Variants in LGR6 observed in about 807,000 individuals in gnomAD.
LGR6 encodes leucine-rich repeat-containing G protein-coupled receptor 6.
Under a neutral mutation model 69.4 loss-of-function variants are expected in LGR6, and 45 were observed. That is an observed-to-expected ratio of 0.65 (90% confidence interval 0.51 to 0.83). The LOEUF is 0.83. Among genes scored for constraint, LGR6 ranks in the 40% least tolerant of loss-of-function variants. The pLI is 0.00. For missense variants in LGR6, 1,108 were observed against 1,246.7 expected (o/e 0.89, Z 1.68); for synonymous variants, 538 against 555.0 (o/e 0.97, Z 0.43).
chr1:202,194,710 GGGGC>G, intron 1 of LGR6: 1 of 271,654 alleles, frequency 3.7e-6, no homozygotes, highest in Non-Finnish European at 7.4e-6. Flanking sequence ...GGGGGCGGGG[GGGGC>G]GGGTTTCCTA....
chr1:202,249,366 T>A (rs1423711289), intron 4 of LGR6, among the ~76,000 whole-genome samples: 4 of 152,168 alleles, frequency 2.6e-5, no homozygotes, highest in Non-Finnish European at 5.9e-5. Flanking sequence ...AAGCTCCTCT[T>A]CCCCTGCCCA....
At chr1:202,198,648 G>A (rs1402567819) in intron 1 of LGR6, among the ~76,000 whole-genome samples, 3 of 150,920 alleles carry the variant, frequency 2.0e-5, no homozygotes, top group African/African-American at 7.4e-5. Context: ...GAGTTCTACT[G>A]GGAACCAGAG....
chr1:202,293,267 C>T (rs893547028), intron 6 of LGR6, among the ~76,000 whole-genome samples: 3 of 152,202 alleles, frequency 2.0e-5, no homozygotes, highest in African/African-American at 7.2e-5. Context: ...TTTCCAAACA[C>T]GACTCCACAG....
intron 6 of LGR6, among the ~76,000 whole-genome samples, chr1:202,284,316 G>A (rs1017022624): frequency 1.3e-5 from 2 of 152,162 alleles, no homozygotes; most frequent in African/African-American, 4.8e-5. Context: ...CTTCCACAAT[G>A]AGGATGACCC....
At chr1:202,271,821 A>G (rs2361452) in intron 4 of LGR6, among the ~76,000 whole-genome samples, 19 of 120,648 alleles carry the variant, frequency 1.6e-4, no homozygotes, top group Non-Finnish European at 3.3e-4. Context: ...AAAAAAAAAA[A>G]AAAAAAAAGA....
chr1:202,272,432 T>A (rs1156585992), intron 4 of LGR6, among the ~76,000 whole-genome samples: 3 of 152,178 alleles, frequency 2.0e-5, no homozygotes, highest in Non-Finnish European at 4.4e-5. Context: ...TCCTTTGGTG[T>A]GTCCCAGTTC....
chr1:202,265,868 C>G (rs963135602), intron 4 of LGR6, among the ~76,000 whole-genome samples: 3 of 152,158 alleles, frequency 2.0e-5, no homozygotes, highest in African/African-American at 7.2e-5. Flanking sequence ...TAGCCCGCGT[C>G]TTCAGGGGTC....
intron 7 of LGR6, among the ~76,000 whole-genome samples, chr1:202,298,175 G>T (rs896660148): frequency 6.6e-6 from 1 of 152,316 alleles, no homozygotes; most frequent in East Asian, 1.9e-4. Context: ...GGACAAAATG[G>T]TATATAACTC....
intron 6 of LGR6, among the ~76,000 whole-genome samples, chr1:202,291,231 C>A (rs192587696): frequency 6.6e-6 from 1 of 152,194 alleles, no homozygotes; most frequent in Non-Finnish European, 1.5e-5. Flanking sequence ...AGTCCTTCCC[C>A]CTCTGCTTCT....
At position 202,276,482 on chromosome 1, in the gene LGR6, C is replaced by G; in HGVS notation, c.605C>G (p.Pro202Arg). 6.2e-7 allele frequency: 1 copy of G among 1,614,168 alleles called. No individual in the cohort carries two copies. The highest frequency in any genetic ancestry group is 8.5e-7 in the Non-Finnish European group (1 of 1,180,036). Residue 202 changes from proline to arginine, a missense_variant, in exon 5 of 18, where the codon CCC becomes CGC. Pro to Arg is a moderately radical substitution (Grantham distance 103, BLOSUM62 -2). Coordinates refer to ENST00000367278, the MANE Select transcript of LGR6 (RefSeq NM_001017403.2). ...GCCCTCAACCGCATCAGCCACATCC[C>G]CGACTACGCGTTCCAGAATCTCACC... ...TLALNRISHIPDYAFQNLTSL... is the reference protein window; with the variant it reads ...TLALNRISHIRDYAFQNLTSL...
chr1:202,307,072 C>T (rs1049550191), intron 13 of LGR6, 133 bp downstream of exon 13: 21 of 795,690 alleles, frequency 2.6e-5, no homozygotes, highest in Non-Finnish European at 4.0e-5. Flanking sequence ...TCCACAGCCC[C>T]CACCCCCAGC....
intron 1 of LGR6, chr1:202,197,362 T>C: frequency 1.9e-6 from 1 of 530,250 alleles, no homozygotes; most frequent in East Asian, 5.4e-5. Context: ...CCAGCCCTGT[T>C]TGATCAAGGT....
intron 13 of LGR6, 125 bp from the exon 14 acceptor site, chr1:202,307,205 A>C: frequency 1.1e-6 from 1 of 950,572 alleles, no homozygotes. Context: ...TACCTTCCCC[A>C]AAAGGCAAAG....
At chr1:202,316,908 T>C (rs1191418187) in intron 17 of LGR6, among the ~76,000 whole-genome samples, 1 of 152,060 alleles carries the variant, frequency 6.6e-6, no homozygotes, top group African/African-American at 2.4e-5. Context: ...AACACCAGGA[T>C]CTCACGCATC....
At chr1:202,288,017 A>C (rs1403240084) in intron 6 of LGR6, among the ~76,000 whole-genome samples, 1 of 151,304 alleles carries the variant, frequency 6.6e-6, no homozygotes, top group East Asian at 1.9e-4. Context: ...AAAAAAAGCC[A>C]ACATTCTGTA....
chr1:202,317,312 T>G (rs748568119), intron 17 of LGR6, among the ~76,000 whole-genome samples: 3 of 151,534 alleles, frequency 2.0e-5, no homozygotes, highest in Admixed American at 6.6e-5. Flanking sequence ...TGTACTGTAT[T>G]AATTTGTACC....
chr1:202,309,307 G>T, intron 15 of LGR6, 131 bp downstream of exon 15: 2 of 1,089,314 alleles, frequency 1.8e-6, no homozygotes, highest in Non-Finnish European at 2.6e-6. Context: ...TAGTGGAAGG[G>T]CTCACCTGAC....
chr1:202,292,151 A>G (rs1666840187), intron 6 of LGR6, among the ~76,000 whole-genome samples: 2 of 152,236 alleles, frequency 1.3e-5, no homozygotes, highest in African/African-American at 2.4e-5. Flanking sequence ...AGTTAAGGGC[A>G]TCGGAGCCCA....
chr1:202,251,813 G>T (rs1196620677), intron 4 of LGR6, among the ~76,000 whole-genome samples: 1 of 152,188 alleles, frequency 6.6e-6, no homozygotes, highest in Non-Finnish European at 1.5e-5. Context: ...CATCTGGAGT[G>T]TGGGGGGCTG....
Sources: allele counts gnomAD v4.1 joint callset (sites outside exome capture counted in the v4.1 genomes callset), GRCh38; gene constraint gnomAD v4.1.1; transcripts MANE v1.5; gene names NCBI Gene and HGNC (gene_info 2026-07-23, HGNC 2026-07-21).